The following SYDE2 variants were observed in gnomAD, a reference collection of about 807,000 sequenced individuals.
SYDE2 encodes synapse defective Rho GTPase homolog 2, also known as rho GTPase-activating protein SYDE2.
SYDE2 carries 76 observed loss-of-function variants against 91.5 expected under a neutral mutation model. The observed-to-expected ratio is 0.83, with a 90% confidence interval of 0.69 to 1.01. SYDE2 has a LOEUF of 1.01. Ranked by LOEUF, SYDE2 falls within the 50% of genes least tolerant of loss-of-function variation. The probability of loss-of-function intolerance (pLI) is 0.00; values close to 1 mark genes in which losing one functional copy is unlikely to be tolerated. For synonymous variants in SYDE2, 513 were observed against 506.4 expected, an observed-to-expected ratio of 1.01 and a Z score of -0.18; for missense variants, 1,364 against 1,367.7, an observed-to-expected ratio of 1.00 and a Z score of 0.04.
chr1:85,158,881 A>T lies in SYDE2; in HGVS notation c.3454T>A (p.Leu1152Met), dbSNP rs760556847. 1.3e-6 allele frequency: 1 copy of T among 780,490 alleles called. No homozygotes were observed. The highest frequency in any genetic ancestry group is 1.3e-5 in the South Asian group (1 of 74,472). 48.3% of individuals were successfully genotyped at this position (780,490 alleles called of 1,614,324 possible). ...MSKECTFQTY[L>M]TMQTVESTVD... ...GTAGACTCAACTGTCTGCATTGTCAAATATGTCTGAAATGTACACTCTTTG... is the reference window on the plus strand; with the variant it reads ...GTAGACTCAACTGTCTGCATTGTCATATATGTCTGAAATGTACACTCTTTG... The change falls in exon 7 of 7, where the codon TTG becomes ATG. Residue 1152 changes from leucine to methionine, a missense_variant. Transcript: ENST00000341460.
chr1:85,172,164 G>A (rs1657525912), intron 4 of SYDE2, among the ~76,000 whole-genome samples: 1 of 152,158 alleles, frequency 6.6e-6, no homozygotes, highest in Non-Finnish European at 1.5e-5. Context: ...AAAGGAAGTG[G>A]AAAGAATGTA....
intron 1 of SYDE2, among the ~76,000 whole-genome samples, chr1:85,196,250 G>A (rs1229237781): frequency 1.3e-5 from 2 of 152,186 alleles, no homozygotes; most frequent in Admixed American, 6.5e-5. Context: ...CTTCGGGGAT[G>A]TGAGAGCTCT....
intron 4 of SYDE2, among the ~76,000 whole-genome samples, chr1:85,175,317 C>T (rs567790028): frequency 5.5e-4 from 84 of 152,176 alleles, no homozygotes; most frequent in Admixed American, 2.0e-3. Context: ...CTGGGCAACA[C>T]GGTGAAACCC....
In SYDE2 at chr1:85,190,075, A is replaced by G. The variant is rs745397605; in HGVS notation, c.1423T>C (p.Leu475=). Residue 475 remains leucine, a synonymous_variant, in exon 2 of 7, where the codon TTG becomes CTG. Coordinates refer to ENST00000341460, the MANE Select transcript of SYDE2 (RefSeq NM_032184.2). ...EGIMVEDSPM[L]KSPFAGSGIL... ...TTTTTACCTGCAAAAGGAGATTTCAACATGGGACTGTCCTCCACCATTATA... is the reference window on the plus strand; with the variant it reads ...TTTTTACCTGCAAAAGGAGATTTCAGCATGGGACTGTCCTCCACCATTATA... The G allele has an allele frequency of 6.2e-7, 1 of 1,603,802 alleles. No homozygotes were observed. The highest frequency in any genetic ancestry group is 1.1e-5 in the South Asian group (1 of 90,048).
intron 2 of SYDE2, among the ~76,000 whole-genome samples, chr1:85,185,929 TG>T (rs1416093377): frequency 6.6e-6 from 1 of 152,204 alleles, no homozygotes; most frequent in East Asian, 1.9e-4. Context: ...ATATTGGCTG[TG>T]GGTTTGTCAT....
At chr1:85,154,870 A>G (rs986711521), downstream of SYDE2, among the ~76,000 whole-genome samples, 1 of 152,094 alleles carries the variant, frequency 6.6e-6, no homozygotes, top group Admixed American at 6.5e-5. Context: ...ATAAAAATAA[A>G]GTGTGAGGAA....
rs766559650 is a variant in SYDE2 at position 85,190,115 on chromosome 1, G to C, written c.1383C>G (p.His461Gln). ...CCACCATTATACCTTCTTGTGTCTT[G>C]TGTCCTAGCTTTTGCTTGTACTGCT... ...FVQQYKQKLGHKTQEGIMVED... is the reference protein window; with the variant it reads ...FVQQYKQKLGQKTQEGIMVED... Residue 461 changes from histidine (H) to glutamine (Q), a missense_variant, in exon 2 of 7, where the codon CAC (histidine) becomes CAG (glutamine). His to Gln is a conservative substitution (Grantham distance 24). Transcript: ENST00000341460. The C allele has an allele frequency of 6.2e-7, 1 of 1,613,906 alleles. No homozygotes were observed. Among genetic ancestry groups the C allele is most frequent in the Admixed American group, 1.7e-5 (1 of 60,022 alleles).
chr1:85,154,901 C>T (rs541904591), downstream of SYDE2, among the ~76,000 whole-genome samples: 2 of 150,656 alleles, frequency 1.3e-5, no homozygotes, highest in East Asian at 2.0e-4. Context: ...CCTTGTCAAA[C>T]ACACAAGGAC....
intron 2 of SYDE2, among the ~76,000 whole-genome samples, chr1:85,187,134 T>C (rs1211616262): frequency 6.6e-6 from 1 of 152,074 alleles, no homozygotes; most frequent in Non-Finnish European, 1.5e-5. Context: ...AGGGCTGATA[T>C]CCAGAATCTA....
intron 4 of SYDE2, among the ~76,000 whole-genome samples, chr1:85,174,264 G>A (rs1657607758): frequency 6.6e-6 from 1 of 152,124 alleles, no homozygotes; most frequent in African/African-American, 2.4e-5. Context: ...GTAGAAGACA[G>A]GGACATTATT....
At chr1:85,152,554 G>A (rs367967481), downstream of SYDE2, 55 of 152,120 alleles carry the variant, frequency 3.6e-4, no homozygotes, top group East Asian at 5.8e-4. Flanking sequence ...TAGACATTGC[G>A]ATTATAGTAC....
At chr1:85,166,352 AT>A (rs1553170460) in intron 5 of SYDE2, among the ~76,000 whole-genome samples, 104 of 144,314 alleles carry the variant, frequency 7.2e-4, no homozygotes, top group African/African-American at 1.5e-3. Flanking sequence ...AAAAAAAAAA[AT>A]TTTTTTTTTT....
intron 4 of SYDE2, among the ~76,000 whole-genome samples, chr1:85,175,225 C>A (rs761639236): frequency 1.3e-5 from 2 of 152,166 alleles, no homozygotes; most frequent in African/African-American, 4.8e-5. Flanking sequence ...ATAGGCTGGG[C>A]GCAGTGGCTC....
chr1:85,178,018 G>T, intron 4 of SYDE2, 128 bp downstream of exon 4: 2 of 812,168 alleles, frequency 2.5e-6, no homozygotes, highest in Non-Finnish European at 3.8e-6. Context: ...AGTAAGTAAT[G>T]TTTGTGAAGG....
chr1:85,189,937 ATTCAC>A (rs1453334537), intron 2 of SYDE2, 115 bp downstream of exon 2: 4 of 796,602 alleles, frequency 5.0e-6, no homozygotes, highest in South Asian at 2.1e-5. Flanking sequence ...ATGAAAATAT[ATTCAC>A]TTCACAAGAA....
rs565946623 is a variant in SYDE2, at chr1:85,190,254, G to C, written c.1244C>G (p.Ala415Gly). ...CAGTGAGTCTTCAGTATGCCGCTCT[G>C]CTTTCATCAGGTCACTGCCAGACAA... ...SMLSGSDLMK[A>G]ERHTEDSLCS... Residue 415 changes from alanine (A) to glycine (G), a missense_variant, in exon 2 of 7, where the codon GCA becomes GGA. Transcript: ENST00000341460. 96 of 1,613,926 alleles carry C rather than the reference G, an allele frequency of 5.9e-5. No homozygotes were observed. In the South Asian group the frequency reaches 7.2e-4, roughly 12 times the overall value.
intron 6 of SYDE2, chr1:85,161,155 GAA>G: frequency 1.0e-6 from 1 of 976,996 alleles, no homozygotes; most frequent in African/African-American, 1.8e-5. Context: ...TAAGGTTGCT[GAA>G]AAAGAATTCA....
At chr1:85,163,137 C>G (rs1261611303) in intron 6 of SYDE2, among the ~76,000 whole-genome samples, 1 of 147,702 alleles carries the variant, frequency 6.8e-6, no homozygotes, top group Non-Finnish European at 1.5e-5. Flanking sequence ...GACGGAGTCT[C>G]ACGCTGTCCC....
intron 5 of SYDE2, 105 bp downstream of exon 5, chr1:85,168,939 A>G (rs1657399713): frequency 9.8e-7 from 1 of 1,025,156 alleles, no homozygotes; most frequent in South Asian, 1.4e-5. Context: ...TTTTAAATCC[A>G]TGAGTGCCAC....
Sources: gnomAD v4.1 joint callset for allele counts (sites outside exome capture counted in the v4.1 genomes callset) on GRCh38, gnomAD v4.1.1 for gene constraint, MANE v1.5 for transcripts, NCBI Gene and HGNC (gene_info 2026-07-23, HGNC 2026-07-21) for gene names.